The following TPD52 variants were observed in gnomAD, a reference collection of about 807,000 sequenced individuals.
TPD52 encodes the protein prostate and colon associated protein.
TPD52 carries 17 observed loss-of-function variants against 31.3 expected under a neutral mutation model. The ratio of observed to expected loss-of-function variants is 0.54; its 90% CI spans 0.37 to 0.82. TPD52 has a LOEUF of 0.82. TPD52 is among the 40% of genes least tolerant of loss of function. The pLI, the probability that TPD52 is intolerant of heterozygous loss-of-function variation, is 0.00. For synonymous variants in TPD52, 83 were observed against 89.6 expected (o/e 0.93, Z 0.42); for missense variants, 212 against 240.1 (o/e 0.88, Z 0.77).
At chr8:80,145,500 A>C (rs896809583) in intron 1 of TPD52, among the ~76,000 whole-genome samples, 2 of 152,204 alleles carry the variant, frequency 1.3e-5, no homozygotes, top group African/African-American at 4.8e-5. Context: ...TCCAGGACTC[A>C]GCTCAGTGCT....
At chr8:80,152,712 G>A (rs996618855) in intron 1 of TPD52, among the ~76,000 whole-genome samples, 2 of 143,652 alleles carry the variant, frequency 1.4e-5, no homozygotes, top group African/African-American at 5.2e-5. Flanking sequence ...ATCTTGGGGG[G>A]CAGATGTTGT....
At chr8:80,120,456 G>C (rs1437252117) in intron 1 of TPD52, among the ~76,000 whole-genome samples, 2 of 151,846 alleles carry the variant, frequency 1.3e-5, no homozygotes, top group African/African-American at 4.8e-5. Flanking sequence ...ACTCCAGCCT[G>C]AGCGACAGAG....
At chr8:80,081,465 C>T (rs1422958975) in intron 1 of TPD52, among the ~76,000 whole-genome samples, 1 of 151,870 alleles carries the variant, frequency 6.6e-6, no homozygotes, top group African/African-American at 2.4e-5. Flanking sequence ...GCTGGTTCTA[C>T]TAAGGAGGTA....
intron 1 of TPD52, among the ~76,000 whole-genome samples, chr8:80,112,107 A>C (rs2887725): frequency 0.44 from 67,150 of 151,574 alleles, 15,282 homozygotes; most frequent in East Asian, 0.79. Flanking sequence ...GACAAATAAA[A>C]TACCCAGGGT....
At chr8:80,032,152 CAAAAAAA>C (rs150988844), downstream of TPD52, among the ~76,000 whole-genome samples, 6 of 56,538 alleles carry the variant, frequency 1.1e-4, no homozygotes, top group South Asian at 6.8e-4. Context: ...GACTCCAGCT[CAAAAAAA>C]AAAAAAAAAA....
intron 1 of TPD52, among the ~76,000 whole-genome samples, chr8:80,118,881 T>C (rs913009101): frequency 6.6e-6 from 1 of 152,206 alleles, no homozygotes; most frequent in Non-Finnish European, 1.5e-5. Context: ...AGGTTAAATA[T>C]AGAAATTACT....
chr8:80,148,679 C>T (rs1810370716), intron 1 of TPD52, among the ~76,000 whole-genome samples: 1 of 152,080 alleles, frequency 6.6e-6, no homozygotes, highest in African/African-American at 2.4e-5. Flanking sequence ...AATAAAAGCA[C>T]ATTCTCACTC....
At position 80,151,040 on chromosome 8, in the gene TPD52, C is replaced by A. The variant is rs1020255918; in HGVS notation, c.19+20385G>T. Among the ~76,000 whole-genome samples, 4 of 152,090 alleles carry A rather than the reference C, an allele frequency of 2.6e-5. No homozygotes were observed. The East Asian group carries it at 7.7e-4, about 29-fold the overall frequency. ...TGTAGCTCCCATAATTCCCATGTGT[C>A]GTGGGAGGGACCTGGTGGGAGGTAA... On this transcript the variant is annotated intron_variant, in intron 1 of 7. Transcript: ENST00000518937.
At chr8:80,059,624 C>T (rs895706161) in intron 2 of TPD52, among the ~76,000 whole-genome samples, 2 of 152,082 alleles carry the variant, frequency 1.3e-5, no homozygotes, top group Non-Finnish European at 2.9e-5. Flanking sequence ...GAGGCCAAGG[C>T]GGGCAGATCA....
chr8:80,121,397 T>A (rs972120512), intron 1 of TPD52, among the ~76,000 whole-genome samples: 1 of 152,154 alleles, frequency 6.6e-6, no homozygotes, highest in Admixed American at 6.5e-5. Flanking sequence ...TCAATTCAAT[T>A]AAAAGATTAT....
intron 1 of TPD52, among the ~76,000 whole-genome samples, chr8:80,092,686 C>T (rs75091333): frequency 0.099 from 15,098 of 151,912 alleles, 871 homozygotes; most frequent in South Asian, 0.19. Context: ...AACTGTCACA[C>T]GTTCTCACTC....
intron 1 of TPD52, among the ~76,000 whole-genome samples, chr8:80,157,986 A>G (rs1417496069): frequency 6.6e-6 from 1 of 152,178 alleles, no homozygotes; most frequent in East Asian, 1.9e-4. Flanking sequence ...TTCTGCTCTC[A>G]TTTTACAAAC....
At chr8:80,083,998 C>T (rs993169139) in intron 1 of TPD52, among the ~76,000 whole-genome samples, 1 of 152,190 alleles carries the variant, frequency 6.6e-6, no homozygotes, top group African/African-American at 2.4e-5. Flanking sequence ...GGAGAAAGCA[C>T]GAAGAGCTAT....
At chr8:80,113,372 G>C (rs1807638350) in intron 1 of TPD52, among the ~76,000 whole-genome samples, 1 of 151,920 alleles carries the variant, frequency 6.6e-6, no homozygotes. Context: ...AAAACAGTGT[G>C]GAGGATTCTC....
At position 80,035,722 on chromosome 8, in the gene TPD52, A is replaced by G. The variant is rs1289968363; in HGVS notation, c.*2394T>C. 6.6e-6 allele frequency: 1 copy of G among 152,210 alleles called. No individual in the cohort carries two copies. The highest frequency in any genetic ancestry group is 1.5e-5 in the Non-Finnish European group (1 of 68,032). 9.4% of individuals were successfully genotyped at this position (152,210 alleles called of 1,614,324 possible). A position where few individuals can be genotyped will look rare whatever the true frequency, so the allele number is the denominator to read the frequency against. ...TCTTGCCCTATTTCCCACAAACTCC[A>G]TAAATTGACATTTCTTTTTGTAAGA... is the stretch of plus-strand genomic sequence containing the variant. On this transcript the variant is annotated 3_prime_UTR_variant, in exon 8 of 8. Coordinates refer to ENST00000518937, the MANE Select transcript of TPD52 (RefSeq NM_001025253.3).
At chr8:80,087,972 C>A (rs2062323363) in intron 1 of TPD52, among the ~76,000 whole-genome samples, 1 of 152,220 alleles carries the variant, frequency 6.6e-6, no homozygotes. Context: ...TACAAAATTT[C>A]TCAGCTAATC....
chr8:80,128,488 T>A, intron 1 of TPD52, among the ~76,000 whole-genome samples: 1 of 33,504 alleles, frequency 3.0e-5, no homozygotes, highest in Non-Finnish European at 4.7e-5. Context: ...GGAGACCCTG[T>A]CTCTACAAAA....
chr8:80,036,025 T>C lies in TPD52; in HGVS notation c.*2091A>G, dbSNP rs543412203. On this transcript the variant is annotated 3_prime_UTR_variant, in exon 8 of 8. Coordinates refer to ENST00000518937, the MANE Select transcript of TPD52 (RefSeq NM_001025253.3). The stretch of plus-strand genomic sequence containing the variant: ...TACTTCTTTCAAGGGGCAGAGTACT[T>C]TACAGTAGATTACTTTGTTTCTTAG... The C allele has an allele frequency of 6.6e-6, 1 of 152,298 alleles. No individual in the cohort carries two copies. The highest frequency in any genetic ancestry group is 2.1e-4 in the South Asian group (1 of 4,826). 9.4% of individuals were successfully genotyped at this position (152,298 alleles called of 1,614,324 possible).
chr8:80,162,249 G>A lies in TPD52; in HGVS notation c.19+9176C>T, dbSNP rs2131260412. Among the ~76,000 whole-genome samples the A allele has an allele frequency of 2.0e-5, 3 of 152,192 alleles. No individual in the cohort carries two copies. The South Asian group carries it at 6.2e-4, about 32-fold the overall frequency. Reference sequence around the variant, plus strand: ...CCAAAATGTCACCTGGAAAATATTTGCTCCTAATACTGTATTTTGCTAATA... The same window carrying A: ...CCAAAATGTCACCTGGAAAATATTTACTCCTAATACTGTATTTTGCTAATA... On this transcript the variant is annotated intron_variant, in intron 1 of 7. Coordinates refer to ENST00000518937, the MANE Select transcript of TPD52 (RefSeq NM_001025253.3).
Sources: gnomAD v4.1 joint callset for allele counts (sites outside exome capture counted in the v4.1 genomes callset) on GRCh38, gnomAD v4.1.1 for gene constraint, MANE v1.5 for transcripts, NCBI Gene and HGNC (gene_info 2026-07-23, HGNC 2026-07-21) for gene names.